CNTNAP2: variants seen among roughly 807,000 people sequenced by gnomAD.
CNTNAP2 encodes contactin-associated protein-like 2.
CNTNAP2 carries 98 observed loss-of-function variants against 155.2 expected under a neutral mutation model. That is an observed-to-expected ratio of 0.63 (90% confidence interval 0.54 to 0.75). The LOEUF is 0.75. Among genes scored for constraint, CNTNAP2 ranks in the 30% least tolerant of loss-of-function variants. CNTNAP2 has a pLI of 0.00. For missense variants in CNTNAP2, 1,727 were observed against 1,688.1 expected (o/e 1.02, Z -0.40); for synonymous variants, 651 against 631.2 (o/e 1.03, Z -0.47).
At chr7:147,946,625 G>A (rs900457373) in intron 14 of CNTNAP2, among the ~76,000 whole-genome samples, 4 of 151,968 alleles carry the variant, frequency 2.6e-5, no homozygotes, top group East Asian at 1.9e-4. Flanking sequence ...TCACATGAGC[G>A]ATTTGCATTT....
chr7:147,551,454 C>T (rs1238125620), intron 11 of CNTNAP2, among the ~76,000 whole-genome samples: 3 of 152,168 alleles, frequency 2.0e-5, no homozygotes, highest in African/African-American at 7.2e-5. Flanking sequence ...ACTTTGAAGA[C>T]TAGCAATTTC....
At chr7:148,128,895 G>A (rs556576917) in intron 16 of CNTNAP2, among the ~76,000 whole-genome samples, 9 of 152,230 alleles carry the variant, frequency 5.9e-5, no homozygotes, top group South Asian at 2.1e-4. Context: ...GCCCTCTCAC[G>A]TGGCAGCTCC....
At chr7:147,566,630 A>C (rs141431152) in intron 12 of CNTNAP2, among the ~76,000 whole-genome samples, 1 of 152,086 alleles carries the variant, frequency 6.6e-6, no homozygotes, top group African/African-American at 2.4e-5. Context: ...AACACTTATA[A>C]AACCATTAGA....
chr7:148,355,416 T>A lies in CNTNAP2; in HGVS notation c.3476-28233T>A, dbSNP rs548514602. ...TAATTATAAAATTATTTCAACTGCCTGTTTTTTTCTGTCTTCCATTCTGTG... is the reference window on the plus strand; with the variant it reads ...TAATTATAAAATTATTTCAACTGCCAGTTTTTTTCTGTCTTCCATTCTGTG... On this transcript the variant is annotated intron_variant, in intron 21 of 23. Coordinates refer to ENST00000361727, the MANE Select transcript of CNTNAP2 (RefSeq NM_014141.6). 2.0e-5 allele frequency among the ~76,000 whole-genome samples: 3 copies of A among 152,222 alleles called. No homozygotes were observed. In the South Asian group the frequency reaches 6.2e-4, roughly 32 times the overall value.
At chr7:146,892,272 A>G (rs1795794403) in intron 3 of CNTNAP2, among the ~76,000 whole-genome samples, 2 of 152,162 alleles carry the variant, frequency 1.3e-5, no homozygotes, top group African/African-American at 4.8e-5. Flanking sequence ...CTTTGACAGC[A>G]CAGTGCCTGA....
chr7:147,592,711 C>T (rs571800580), intron 12 of CNTNAP2, among the ~76,000 whole-genome samples: 12 of 152,156 alleles, frequency 7.9e-5, no homozygotes, highest in African/African-American at 1.2e-4. Flanking sequence ...CACATTTTCA[C>T]GACAAGAACA....
chr7:147,842,355 A>G (rs1417283051), intron 13 of CNTNAP2, among the ~76,000 whole-genome samples: 2 of 152,230 alleles, frequency 1.3e-5, no homozygotes, highest in Admixed American at 6.5e-5. Flanking sequence ...ATAAGATAGT[A>G]CAGCCAGTTC....
chr7:147,507,728 A>AT (rs976226588), intron 11 of CNTNAP2, among the ~76,000 whole-genome samples: 1 of 150,748 alleles, frequency 6.6e-6, no homozygotes, highest in African/African-American at 2.4e-5. Flanking sequence ...AATTTTTTGT[A>AT]TTTTTTAGTA....
intron 18 of CNTNAP2, among the ~76,000 whole-genome samples, chr7:148,181,503 G>A (rs896404778): frequency 1.3e-5 from 2 of 152,178 alleles, no homozygotes; most frequent in Admixed American, 1.3e-4. Flanking sequence ...CCAAGTTTAA[G>A]TGGCTTTGTT....
chr7:147,486,888 C>CGTGTGTGTGTGTGTGTGTGTGT (rs1798519006), intron 11 of CNTNAP2, among the ~76,000 whole-genome samples: 1 of 36,556 alleles, frequency 2.7e-5, no homozygotes, highest in South Asian at 8.1e-4. Flanking sequence ...TACGTATGTG[C>CGTGTGTGTGTGTGTGTGTGTGT]CTGTGTGTGT....
chr7:147,202,622 A>G lies in CNTNAP2; in HGVS notation c.1348+70113A>G, dbSNP rs576000346. ...ACACCATGGAATACAGCCATAAAAA[A>G]ACGGATGAGTTCACATCCTTTGCAG... On this transcript the variant is annotated intron_variant, in intron 8 of 23. Coordinates refer to ENST00000361727, the MANE Select transcript of CNTNAP2 (RefSeq NM_014141.6). Among the ~76,000 whole-genome samples, 7 of 152,284 alleles carry G rather than the reference A, an allele frequency of 4.6e-5. No individual in the cohort carries two copies. The South Asian group carries it at 1.4e-3, about 32-fold the overall frequency.
At position 147,644,434 on chromosome 7, in the gene CNTNAP2, A is replaced by G. The variant is rs150540418; in HGVS notation, c.2098+5128A>G. Among the ~76,000 whole-genome samples the G allele has an allele frequency of 1.6e-4, 25 of 152,314 alleles. No homozygotes were observed. In the East Asian group the frequency reaches 4.6e-3, roughly 28 times the overall value. On this transcript the variant is annotated intron_variant, in intron 13 of 23. Coordinates refer to ENST00000361727, the MANE Select transcript of CNTNAP2 (RefSeq NM_014141.6). ...TCAGGAGTTCAAGACCAGCCTGGCC[A>G]ACATGGTGAAAACCCGTCTCTACTA...
At chr7:146,617,657 T>C (rs151157380) in intron 1 of CNTNAP2, among the ~76,000 whole-genome samples, 1 of 152,332 alleles carries the variant, frequency 6.6e-6, no homozygotes, top group South Asian at 2.1e-4. Context: ...TTAAAATTGA[T>C]ACATCAAATG....
intron 1 of CNTNAP2, among the ~76,000 whole-genome samples, chr7:146,563,531 ATATT>A (rs1427446151): frequency 6.6e-6 from 1 of 152,108 alleles, no homozygotes; most frequent in Non-Finnish European, 1.5e-5. Context: ...GATCTAGTCA[ATATT>A]TATTTACTAC....
intron 3 of CNTNAP2, among the ~76,000 whole-genome samples, chr7:147,030,652 C>G (rs1388062270): frequency 6.6e-6 from 1 of 151,970 alleles, no homozygotes; most frequent in African/African-American, 2.4e-5. Context: ...TAGAATTTGC[C>G]TATTGGTTAA....
chr7:146,941,687 A>G (rs1179512343), intron 3 of CNTNAP2, among the ~76,000 whole-genome samples: 1 of 151,992 alleles, frequency 6.6e-6, no homozygotes, highest in Non-Finnish European at 1.5e-5. Flanking sequence ...GGTGGTGATG[A>G]GCTCCCTCAG....
chr7:146,290,895 G>A (rs1800418519), intron 1 of CNTNAP2, among the ~76,000 whole-genome samples: 1 of 152,186 alleles, frequency 6.6e-6, no homozygotes, highest in Non-Finnish European at 1.5e-5. Context: ...GCATAGCAAA[G>A]CATTGGAGTG....
chr7:147,936,500 A>G (rs756746862), intron 14 of CNTNAP2, among the ~76,000 whole-genome samples: 4 of 152,180 alleles, frequency 2.6e-5, no homozygotes, highest in Non-Finnish European at 5.9e-5. Context: ...AAAAGAGAAT[A>G]AACAGTTCAA....
chr7:148,090,696 C>T (rs1171163427), intron 15 of CNTNAP2, among the ~76,000 whole-genome samples: 1 of 151,862 alleles, frequency 6.6e-6, no homozygotes, highest in Non-Finnish European at 1.5e-5. Context: ...GGAGGTTCCT[C>T]AAAAAATTAA....
Sources: gnomAD v4.1 joint callset for allele counts (sites outside exome capture counted in the v4.1 genomes callset) on GRCh38, gnomAD v4.1.1 for gene constraint, MANE v1.5 for transcripts, NCBI Gene and HGNC (gene_info 2026-07-23, HGNC 2026-07-21) for gene names.